Variants in MAP4K5 observed in about 807,000 individuals in gnomAD.
MAP4K5 encodes mitogen-activated protein kinase kinase kinase kinase 5.
In MAP4K5, 82 loss-of-function variants were observed where a neutral mutation model predicts 135.6. The observed-to-expected ratio is 0.60, with a 90% CI of 0.51 to 0.73. MAP4K5 has a LOEUF of 0.73. Ranked by LOEUF, MAP4K5 falls within the 30% of genes least tolerant of loss-of-function variation. The pLI is 0.00. For synonymous variants in MAP4K5, 347 were observed against 335.0 expected, an observed-to-expected ratio of 1.04 and a Z score of -0.39; for missense variants, 907 against 1,010.9, an observed-to-expected ratio of 0.90 and a Z score of 1.39.
intron 21 of MAP4K5, among the ~76,000 whole-genome samples, chr14:50,440,679 C>A (rs910126203): frequency 2.0e-5 from 3 of 152,050 alleles, no homozygotes; most frequent in Admixed American, 6.6e-5. Flanking sequence ...TACTATATAA[C>A]CCTGCCTTTC....
intron 1 of MAP4K5, chr14:50,560,237 G>T: frequency 6.2e-7 from 1 of 1,613,286 alleles, no homozygotes; most frequent in Non-Finnish European, 8.5e-7. Context: ...CAGTGACAGC[G>T]CCTCACCGCC....
intron 13 of MAP4K5, among the ~76,000 whole-genome samples, chr14:50,459,274 C>T (rs1449296894): frequency 2.0e-5 from 3 of 152,182 alleles, no homozygotes; most frequent in South Asian, 4.1e-4. Flanking sequence ...GTGTTCCTAT[C>T]TTAGTAAATA....
At chr14:50,509,191 T>C (rs1209944051) in intron 2 of MAP4K5, among the ~76,000 whole-genome samples, 4 of 149,874 alleles carry the variant, frequency 2.7e-5, no homozygotes, top group Admixed American at 1.3e-4. Flanking sequence ...ACAAGAACAC[T>C]TGGACACAGG....
chr14:50,537,636 T>G (rs1037851968), intron 2 of MAP4K5, among the ~76,000 whole-genome samples: 3 of 152,240 alleles, frequency 2.0e-5, no homozygotes, highest in East Asian at 1.9e-4. Flanking sequence ...GGGGCAGAGC[T>G]GCCCAAGACC....
chr14:50,560,532 T>C (rs569012040), intron 1 of MAP4K5: 1 of 575,200 alleles, frequency 1.7e-6, no homozygotes, highest in East Asian at 3.0e-5. Context: ...AGGCCGGGCC[T>C]CCAGCTCCTT....
chr14:50,437,769 TAC>T, intron 25 of MAP4K5, 123 bp downstream of exon 25: 2 of 702,438 alleles, frequency 2.8e-6, no homozygotes, highest in Non-Finnish European at 2.4e-6. Flanking sequence ...CCAGATATAA[TAC>T]ACTTTAGTTT....
chr14:50,479,040 T>C (rs1340999593), intron 6 of MAP4K5, among the ~76,000 whole-genome samples: 1 of 151,834 alleles, frequency 6.6e-6, no homozygotes, highest in Non-Finnish European at 1.5e-5. Flanking sequence ...TTTTTTGTGC[T>C]CAGGGTTTGT....
intron 3 of MAP4K5, among the ~76,000 whole-genome samples, chr14:50,497,480 G>T (rs192079638): frequency 6.8e-4 from 104 of 152,276 alleles, no homozygotes; most frequent in African/African-American, 2.3e-3. Flanking sequence ...AGTCTGAAAA[G>T]AACATACCAC....
chr14:50,555,966 G>C (rs1424856759), intron 1 of MAP4K5, among the ~76,000 whole-genome samples: 1 of 152,176 alleles, frequency 6.6e-6, no homozygotes, highest in Non-Finnish European at 1.5e-5. Context: ...GGAGGAAAAT[G>C]AGCATGGTGA....
intron 18 of MAP4K5, 38 bp downstream of exon 18, chr14:50,445,003 C>T: frequency 6.3e-7 from 1 of 1,588,972 alleles, no homozygotes; most frequent in East Asian, 2.2e-5. Context: ...AATATCTAGC[C>T]ATATGTACCC....
chr14:50,452,349 G>A (rs1353411616), intron 14 of MAP4K5, among the ~76,000 whole-genome samples: 1 of 152,084 alleles, frequency 6.6e-6, no homozygotes, highest in Non-Finnish European at 1.5e-5. Flanking sequence ...GAAATCCTGA[G>A]ACTTCCTTAG....
chr14:50,526,763 G>A (rs2140110269), intron 2 of MAP4K5, among the ~76,000 whole-genome samples: 1 of 152,266 alleles, frequency 6.6e-6, no homozygotes, highest in African/African-American at 2.4e-5. Context: ...TATAAAATGG[G>A]ATCTTGGGAT....
intron 6 of MAP4K5, among the ~76,000 whole-genome samples, chr14:50,481,212 C>T (rs1175267482): frequency 6.6e-6 from 1 of 151,018 alleles, no homozygotes; most frequent in African/African-American, 2.4e-5. Context: ...TATGTAGATA[C>T]AATGAAGTAG....
intron 2 of MAP4K5, among the ~76,000 whole-genome samples, chr14:50,506,850 G>A (rs187634010): frequency 4.1e-4 from 63 of 152,314 alleles, no homozygotes; most frequent in African/African-American, 1.4e-3. Flanking sequence ...TGGTCAGCCA[G>A]ATGCCTCACA....
At chr14:50,430,296 A>G (rs1393849837) in intron 28 of MAP4K5, among the ~76,000 whole-genome samples, 1 of 152,224 alleles carries the variant, frequency 6.6e-6, no homozygotes, top group African/African-American at 2.4e-5. Flanking sequence ...ACATTCATTT[A>G]GCTGTATATT....
chr14:50,504,752 G>A, intron 3 of MAP4K5, 48 bp downstream of exon 3: 1 of 1,314,186 alleles, frequency 7.6e-7, no homozygotes, highest in Admixed American at 2.3e-5. Context: ...AACAAGGAAA[G>A]AAATATGGAA....
chr14:50,479,295 T>C (rs1025341935), intron 6 of MAP4K5, among the ~76,000 whole-genome samples: 1 of 152,090 alleles, frequency 6.6e-6, no homozygotes, highest in African/African-American at 2.4e-5. Flanking sequence ...ATGATACTCT[T>C]CACTTATAAA....
intron 3 of MAP4K5, among the ~76,000 whole-genome samples, chr14:50,496,065 C>A (rs1271055405): frequency 6.6e-6 from 1 of 152,186 alleles, no homozygotes; most frequent in Admixed American, 6.5e-5. Flanking sequence ...TGGCTCACAT[C>A]TGTAATCCCA....
chr14:50,445,555 G>T (rs1415246611), intron 17 of MAP4K5, among the ~76,000 whole-genome samples: 1 of 152,008 alleles, frequency 6.6e-6, no homozygotes, highest in Non-Finnish European at 1.5e-5. Flanking sequence ...GCAATAACCT[G>T]TTTTTGCCTT....
Sources: gnomAD v4.1 joint callset for allele counts (sites outside exome capture counted in the v4.1 genomes callset) on GRCh38, gnomAD v4.1.1 for gene constraint, MANE v1.5 for transcripts, NCBI Gene and HGNC (gene_info 2026-07-23, HGNC 2026-07-21) for gene names.